The following NTRK2 variants were observed in gnomAD, a reference collection of about 807,000 sequenced individuals.
NTRK2 encodes the protein BDNF/NT-3 growth factors receptor.
A neutral mutation model predicts 94.5 loss-of-function variants in NTRK2; 13 were observed. The observed-to-expected ratio is 0.14, with a 90% CI of 0.09 to 0.22. The LOEUF is 0.22. NTRK2 is among the 10% of genes least tolerant of loss of function. NTRK2 has a pLI of 1.00. For synonymous variants in NTRK2, 372 were observed against 407.4 expected (o/e 0.91, Z 1.05); for missense variants, 639 against 1,071.2 (o/e 0.60, Z 5.63).
Position 84,826,937 on chromosome 9 carries a change from A to G in NTRK2, c.1397-34103A>G, listed in dbSNP as rs942926813. Among the ~76,000 whole-genome samples the G allele has an allele frequency of 5.3e-5, 8 of 152,214 alleles. No homozygotes were observed. In the South Asian group the frequency reaches 8.3e-4, roughly 16 times the overall value. On this transcript the variant is annotated intron_variant, in intron 12 of 18. Coordinates refer to ENST00000277120, the MANE Select transcript of NTRK2 (RefSeq NM_006180.6). Reference sequence around the variant, plus strand: ...AAACAGGTGTTCAGATCTGAAGCCTATCAGAAGTATTTGCTTTGTTCCAAG... The same window carrying G: ...AAACAGGTGTTCAGATCTGAAGCCTGTCAGAAGTATTTGCTTTGTTCCAAG...
chr9:84,874,181 TGTGGACCA>T, intron 14 of NTRK2: 4 of 1,065,180 alleles, frequency 3.8e-6, no homozygotes, highest in Non-Finnish European at 4.5e-6. Flanking sequence ...GCTAGTAGAT[TGTGGACCA>T]GGACCAGCTG....
rs889714543 is a variant in NTRK2 at position 84,875,124 on chromosome 9, C to G, written c.1633+7693C>G. 2.1e-5 allele frequency: 22 copies of G among 1,059,678 alleles called. No individual in the cohort carries two copies. In the African/African-American group the frequency reaches 3.5e-4, roughly 17 times the overall value. The allele number at this position is 1,059,678 out of a possible 1,614,324, so 65.6% of individuals were successfully genotyped here. A position where few individuals can be genotyped will look rare whatever the true frequency, so the allele number is the denominator to read the frequency against. On this transcript the variant is annotated intron_variant, in intron 14 of 18. Coordinates refer to ENST00000277120, the MANE Select transcript of NTRK2 (RefSeq NM_006180.6). ...ATGGCTTTCTAGTCTTGTGGATATC[C>G]TTTTAATCTCTTGTAATATAAAGTC...
At chr9:84,909,195 A>T (rs2077165034) in intron 14 of NTRK2, among the ~76,000 whole-genome samples, 1 of 152,130 alleles carries the variant, frequency 6.6e-6, no homozygotes, top group South Asian at 2.1e-4. Flanking sequence ...GGATTTTTAA[A>T]AATTACACTC....
intron 12 of NTRK2, chr9:84,811,575 G>A: frequency 2.8e-6 from 3 of 1,065,502 alleles, no homozygotes; most frequent in Non-Finnish European, 3.4e-6. Flanking sequence ...AGGCCTGGGA[G>A]CAGAATGGCT....
chr9:84,740,820 T>G (rs1031248068), intron 9 of NTRK2, among the ~76,000 whole-genome samples: 1 of 152,240 alleles, frequency 6.6e-6, no homozygotes, highest in African/African-American at 2.4e-5. Flanking sequence ...GGTTCTTCAT[T>G]TAGACTAACC....
chr9:84,849,398 G>T (rs1252693090), intron 12 of NTRK2, among the ~76,000 whole-genome samples: 1 of 152,120 alleles, frequency 6.6e-6, no homozygotes, highest in African/African-American at 2.4e-5. Context: ...ATCGGTGGGT[G>T]GGGGAGTCCA....
At chr9:84,952,946 C>T (rs890726257) in intron 16 of NTRK2, among the ~76,000 whole-genome samples, 40 of 152,132 alleles carry the variant, frequency 2.6e-4, no homozygotes, top group African/African-American at 9.7e-4. Flanking sequence ...TGATATAAGG[C>T]TGTGGCCAAT....
At chr9:84,697,438 C>G (rs966108560) in intron 2 of NTRK2, among the ~76,000 whole-genome samples, 2 of 152,172 alleles carry the variant, frequency 1.3e-5, no homozygotes, top group Non-Finnish European at 2.9e-5. Context: ...TCCCACTGCT[C>G]CCTTGAGGGA....
intron 4 of NTRK2, among the ~76,000 whole-genome samples, chr9:84,705,558 C>T (rs985660832): frequency 1.4e-4 from 21 of 152,156 alleles, no homozygotes; most frequent in Non-Finnish European, 2.4e-4. Context: ...CTCTGCGGGG[C>T]GGCGGTTTTA....
At chr9:84,697,316 T>C (rs892681401) in intron 2 of NTRK2, among the ~76,000 whole-genome samples, 2 of 152,104 alleles carry the variant, frequency 1.3e-5, no homozygotes, top group Non-Finnish European at 2.9e-5. Flanking sequence ...GGGGCTGTGC[T>C]TGGAAGCCCC....
intron 14 of NTRK2, among the ~76,000 whole-genome samples, chr9:84,883,204 G>A (rs1156508238): frequency 6.6e-6 from 1 of 152,196 alleles, no homozygotes; most frequent in Non-Finnish European, 1.5e-5. Context: ...AGAGTTTGGG[G>A]ATCACTGTTC....
chr9:84,969,765 GA>G (rs1051965907), intron 17 of NTRK2, among the ~76,000 whole-genome samples: 3 of 152,194 alleles, frequency 2.0e-5, no homozygotes, highest in Non-Finnish European at 4.4e-5. Flanking sequence ...AAAAGTTCAT[GA>G]AAATGAGATG....
At chr9:84,933,988 C>T (rs548610849) in intron 14 of NTRK2, among the ~76,000 whole-genome samples, 174 bp from the exon 15 acceptor site, 4 of 152,088 alleles carry the variant, frequency 2.6e-5, no homozygotes, top group Admixed American at 1.3e-4. Flanking sequence ...ATGAAACCTC[C>T]GCCCAGCCAT....
intron 14 of NTRK2, among the ~76,000 whole-genome samples, chr9:84,887,753 C>T (rs544763669): frequency 6.6e-6 from 1 of 152,306 alleles, no homozygotes; most frequent in East Asian, 1.9e-4. Flanking sequence ...CCATTCTCAG[C>T]TTGACTTTGT....
intron 14 of NTRK2, among the ~76,000 whole-genome samples, chr9:84,878,704 C>T (rs1252720980): frequency 6.6e-6 from 1 of 151,716 alleles, no homozygotes; most frequent in African/African-American, 2.4e-5. Flanking sequence ...AGAACTATTG[C>T]ATTACACTTA....
chr9:84,724,639 G>A (rs547652487), intron 8 of NTRK2, among the ~76,000 whole-genome samples: 18 of 152,136 alleles, frequency 1.2e-4, no homozygotes, highest in East Asian at 9.7e-4. Context: ...ACTTTGGGCT[G>A]GTTGCTCCCT....
At chr9:84,876,067 T>C in intron 14 of NTRK2, 1 of 1,030,668 alleles carries the variant, frequency 9.7e-7, no homozygotes, top group African/African-American at 1.7e-5. Flanking sequence ...ATCAATATTC[T>C]TTCTTATGCT....
At chr9:85,018,124 A>C (rs1564555269) in intron 17 of NTRK2, among the ~76,000 whole-genome samples, 1 of 151,956 alleles carries the variant, frequency 6.6e-6, no homozygotes, top group Non-Finnish European at 1.5e-5. Flanking sequence ...AAATGTGTAG[A>C]CCTCTGTCCT....
At chr9:84,948,382 C>T (rs976800798) in intron 15 of NTRK2, 80 bp from the exon 16 acceptor site, 2 of 1,437,524 alleles carry the variant, frequency 1.4e-6, no homozygotes, top group African/African-American at 2.8e-5. Context: ...TTTTGCCTAA[C>T]AAATGAGATG....
Sources: allele counts gnomAD v4.1 joint callset (sites outside exome capture counted in the v4.1 genomes callset), GRCh38; gene constraint gnomAD v4.1.1; transcripts MANE v1.5; gene names NCBI Gene and HGNC (gene_info 2026-07-23, HGNC 2026-07-21).